The following AGBL1 variants were observed in gnomAD, a reference collection of about 807,000 sequenced individuals.
AGBL1 encodes the protein cytosolic carboxypeptidase 4.
Under a neutral mutation model 118.9 loss-of-function variants are expected in AGBL1, and 130 were observed. That is an observed-to-expected ratio of 1.09 (90% confidence interval 0.95 to 1.26). AGBL1 has a LOEUF of 1.26. Among genes scored for constraint, AGBL1 ranks in the 50% most tolerant of loss-of-function variants. The pLI, the probability that AGBL1 is intolerant of heterozygous loss-of-function variation, is 0.00. For missense variants in AGBL1, 1,584 were observed against 1,298.1 expected (o/e 1.22, Z -3.38); for synonymous variants, 555 against 478.9 (o/e 1.16, Z -2.08).
chr15:86,441,689 C>T (rs1283663063), intron 18 of AGBL1, among the ~76,000 whole-genome samples: 2 of 152,206 alleles, frequency 1.3e-5, no homozygotes, highest in African/African-American at 2.4e-5. Flanking sequence ...TGGGTAGCTT[C>T]CCTTCTCCAG....
chr15:86,871,106 C>A (rs1421434797), intron 22 of AGBL1, among the ~76,000 whole-genome samples: 2 of 152,128 alleles, frequency 1.3e-5, no homozygotes, highest in Non-Finnish European at 2.9e-5. Context: ...AGTGACTTAG[C>A]CAGGAAGCCA....
At chr15:86,269,645 A>G (rs572346391) in intron 13 of AGBL1, among the ~76,000 whole-genome samples, 1 of 152,210 alleles carries the variant, frequency 6.6e-6, no homozygotes, top group African/African-American at 2.4e-5. Flanking sequence ...AATAAATACA[A>G]CTATTGTGTA....
intron 22 of AGBL1, among the ~76,000 whole-genome samples, chr15:86,677,496 T>C (rs1372041964): frequency 2.0e-5 from 3 of 152,208 alleles, no homozygotes; most frequent in Admixed American, 2.0e-4. Flanking sequence ...CGTTTATCCA[T>C]TGTGACAGGT....
At chr15:86,153,271 A>T (rs1597464641) in intron 3 of AGBL1, among the ~76,000 whole-genome samples, 1 of 152,204 alleles carries the variant, frequency 6.6e-6, no homozygotes. Flanking sequence ...CAAATGTCCA[A>T]CAATGATAGA....
chr15:86,847,898 T>C (rs1318190166), intron 22 of AGBL1, among the ~76,000 whole-genome samples: 1 of 152,178 alleles, frequency 6.6e-6, no homozygotes, highest in Non-Finnish European at 1.5e-5. Context: ...CCTTGTTCAG[T>C]TTCTGGCTGG....
At position 86,849,049 on chromosome 15, in the gene AGBL1, A is replaced by G. The variant is rs542899393; in HGVS notation, c.3159-58038A>G. Among the ~76,000 whole-genome samples the G allele has an allele frequency of 1.1e-4, 16 of 152,342 alleles. No homozygotes were observed. The South Asian group carries it at 1.2e-3, about 12-fold the overall frequency. ...TTTGAGCAGGGATCCTCTGGATCCA[A>G]TGCTCAGTGTTGATTGAATATGCAG... On this transcript the variant is annotated intron_variant, in intron 22 of 22. Coordinates refer to ENST00000614907, the MANE Select transcript of AGBL1 (RefSeq NM_001386094.1).
At chr15:86,307,406 C>T (rs2079856581) in intron 17 of AGBL1, among the ~76,000 whole-genome samples, 1 of 152,016 alleles carries the variant, frequency 6.6e-6, no homozygotes. Context: ...CATTTTCTCC[C>T]TGTCACCTCT....
chr15:86,460,538 A>AAC (rs2082321881), intron 18 of AGBL1, among the ~76,000 whole-genome samples: 2 of 139,680 alleles, frequency 1.4e-5, no homozygotes, highest in South Asian at 2.2e-4. Context: ...ACAACAACAA[A>AAC]AACAATGGTT....
At chr15:86,347,403 A>C (rs1405175617) in intron 17 of AGBL1, among the ~76,000 whole-genome samples, 2 of 152,224 alleles carry the variant, frequency 1.3e-5, no homozygotes, top group African/African-American at 4.8e-5. Context: ...CTGTAACAAC[A>C]GGGTTACGTC....
Position 86,673,217 on chromosome 15 carries a change from A to C in AGBL1, c.2995-1056A>C, listed in dbSNP as rs140403230. On this transcript the variant is annotated intron_variant, in intron 21 of 22. Coordinates refer to ENST00000614907, the MANE Select transcript of AGBL1 (RefSeq NM_001386094.1). Reference sequence around the variant, plus strand: ...AGATAAATTGAGCTAATTTTGATCAATATTATGACTGTGAAATATTCCTTA... The same window carrying C: ...AGATAAATTGAGCTAATTTTGATCACTATTATGACTGTGAAATATTCCTTA... Among the ~76,000 whole-genome samples the C allele has an allele frequency of 2.3e-3, 348 of 152,310 alleles. 1 individual carries two copies. Among genetic ancestry groups the C allele is most frequent in the Non-Finnish European group, 3.7e-3 (254 of 68,034 alleles).
chr15:86,412,315 A>C (rs2081632703), intron 18 of AGBL1, among the ~76,000 whole-genome samples: 1 of 152,118 alleles, frequency 6.6e-6, no homozygotes, highest in Non-Finnish European at 1.5e-5. Context: ...TTTTATCCAA[A>C]AGCAATTTAT....
At chr15:86,244,402 C>T (rs1159041950) in intron 6 of AGBL1, among the ~76,000 whole-genome samples, 1 of 152,188 alleles carries the variant, frequency 6.6e-6, no homozygotes, top group African/African-American at 2.4e-5. Context: ...TCATTCTTTG[C>T]TCTTCTCCAC....
Position 86,854,293 on chromosome 15 carries a change from G to A in AGBL1, c.3159-52794G>A, listed in dbSNP as rs150861085. 4.0e-3 allele frequency among the ~76,000 whole-genome samples: 616 copies of A among 152,278 alleles called. 1 individual carries two copies. Among genetic ancestry groups the A allele is most frequent in the Non-Finnish European group, 7.4e-3 (505 of 68,010 alleles). On this transcript the variant is annotated intron_variant, in intron 22 of 22. Transcript: ENST00000614907. ...TCAGAGCTCTGCTTGGGTTCTTAGG[G>A]GCTTAGCTGTCCCTGGCAGAAGCCT...
At chr15:86,381,884 G>C (rs941787974) in intron 17 of AGBL1, among the ~76,000 whole-genome samples, 1 of 152,190 alleles carries the variant, frequency 6.6e-6, no homozygotes, top group African/African-American at 2.4e-5. Context: ...ATCATGAAGG[G>C]CCTTGTGCCT....
chr15:86,717,333 GTGGAAC>G (rs1332379279), intron 22 of AGBL1, among the ~76,000 whole-genome samples: 2 of 152,140 alleles, frequency 1.3e-5, no homozygotes, highest in Non-Finnish European at 2.9e-5. Flanking sequence ...TATGGTCAGT[GTGGAAC>G]ATGACGATCT....
At chr15:86,866,651 C>G (rs1361739566) in intron 22 of AGBL1, among the ~76,000 whole-genome samples, 1 of 152,126 alleles carries the variant, frequency 6.6e-6, no homozygotes, top group Non-Finnish European at 1.5e-5. Context: ...GTCAGAAGTT[C>G]AAGACCAGCC....
At chr15:87,024,107 A>G (rs2081698447) in intron 24 of AGBL1, among the ~76,000 whole-genome samples, 2 of 152,054 alleles carry the variant, frequency 1.3e-5, no homozygotes, top group Non-Finnish European at 2.9e-5. Context: ...ACCCAAACCC[A>G]GCAGAAGAAA....
downstream of AGBL1, among the ~76,000 whole-genome samples, chr15:86,917,957 A>G (rs972647942): frequency 1.3e-5 from 2 of 152,160 alleles, no homozygotes; most frequent in African/African-American, 2.4e-5. This position sits in a 1 kb window ranked among gnomAD's most constrained non-coding sequence, Gnocchi z 4.8. Flanking sequence ...AATCTCTAGT[A>G]AAAGTCCATT....
At chr15:86,098,992 A>G (rs935668182) in intron 1 of AGBL1, among the ~76,000 whole-genome samples, 1 of 152,112 alleles carries the variant, frequency 6.6e-6, no homozygotes, top group Admixed American at 6.6e-5. Context: ...TTCCTTCATC[A>G]ATGTTTTGTA....
Sources: allele counts gnomAD v4.1 joint callset (sites outside exome capture counted in the v4.1 genomes callset), GRCh38; gene constraint gnomAD v4.1.1; non-coding constraint Gnocchi (gnomAD v3.1); transcripts MANE v1.5; gene names NCBI Gene and HGNC (gene_info 2026-07-23, HGNC 2026-07-21).